The following OSBPL8 variants were observed in gnomAD, a reference collection of about 807,000 sequenced individuals.
OSBPL8 encodes the protein oxysterol binding protein like 8.
OSBPL8 carries 59 observed loss-of-function variants against 125.5 expected under a neutral mutation model. The observed-to-expected ratio is 0.47, with a 90% CI of 0.38 to 0.58. The LOEUF (loss-of-function observed/expected upper bound fraction) is 0.58. Ranked by LOEUF, OSBPL8 falls within the 20% of genes least tolerant of loss-of-function variation. The pLI is 0.00. For missense variants in OSBPL8, 758 were observed against 1,047.8 expected, an observed-to-expected ratio of 0.72 and a Z score of 3.82; for synonymous variants, 330 against 338.9, an observed-to-expected ratio of 0.97 and a Z score of 0.29.
intron 1 of OSBPL8, among the ~76,000 whole-genome samples, chr12:76,525,210 T>C (rs1278723835): frequency 1.3e-5 from 2 of 152,196 alleles, no homozygotes; most frequent in Non-Finnish European, 2.9e-5. Context: ...TATTTGAACA[T>C]TTGCTGGATA....
At position 76,386,563 on chromosome 12, in the gene OSBPL8, A is replaced by T; in HGVS notation, c.1434+16T>A. On this transcript the variant is annotated intron_variant, in intron 13 of 23. Coordinates refer to ENST00000261183, the MANE Select transcript of OSBPL8 (RefSeq NM_020841.5). ...TAAAACACTAAAGACAATAAAATGT[A>T]AACAAACATTATTACCTTTGGCTTT... 6.4e-7 allele frequency: 1 copy of T among 1,558,414 alleles called. No individual in the cohort carries two copies. The highest frequency in any genetic ancestry group is 1.8e-5 in the Admixed American group (1 of 55,046).
intron 1 of OSBPL8, among the ~76,000 whole-genome samples, chr12:76,532,354 AGCAAAACTAGATCATT>A (rs1950366828): frequency 6.6e-6 from 1 of 152,186 alleles, no homozygotes; most frequent in Non-Finnish European, 1.5e-5. Flanking sequence ...CAAACAACAT[AGCAAAACTAGATCATT>A]TCACTTTATT....
At chr12:76,410,974 T>C (rs1405047468) in intron 4 of OSBPL8, among the ~76,000 whole-genome samples, 1 of 152,184 alleles carries the variant, frequency 6.6e-6, no homozygotes, top group African/African-American at 2.4e-5. Flanking sequence ...AACATACTTT[T>C]CATACCTCTG....
chr12:76,556,782 G>A (rs763772191), intron 1 of OSBPL8, among the ~76,000 whole-genome samples: 9 of 152,136 alleles, frequency 5.9e-5, no homozygotes, highest in Non-Finnish European at 1.3e-4. Flanking sequence ...TCCTGCCTCA[G>A]CCTCCCAAGT....
At chr12:76,460,409 T>G (rs1874574315) in intron 2 of OSBPL8, among the ~76,000 whole-genome samples, 1 of 151,960 alleles carries the variant, frequency 6.6e-6, no homozygotes, top group African/African-American at 2.4e-5. Context: ...AAGGAACATT[T>G]ATTGAGTGCT....
intron 9 of OSBPL8, among the ~76,000 whole-genome samples, chr12:76,393,212 T>C (rs1953638621): frequency 6.6e-6 from 1 of 152,224 alleles, no homozygotes; most frequent in African/African-American, 2.4e-5. Flanking sequence ...GCCTGCATAA[T>C]GCTACCATTA....
intron 1 of OSBPL8, among the ~76,000 whole-genome samples, chr12:76,538,664 G>A (rs1347360099): frequency 6.6e-6 from 1 of 152,014 alleles, no homozygotes; most frequent in Non-Finnish European, 1.5e-5. Context: ...TCAGAACTTT[G>A]AGACCCAGTG....
chr12:76,473,789 G>A (rs1266402946), intron 2 of OSBPL8, among the ~76,000 whole-genome samples: 3 of 152,118 alleles, frequency 2.0e-5, no homozygotes, highest in Non-Finnish European at 4.4e-5. Context: ...TCAAAGAGAC[G>A]CAATATAGGA....
intron 2 of OSBPL8, among the ~76,000 whole-genome samples, chr12:76,477,967 G>A (rs1377541263): frequency 1.3e-5 from 2 of 152,052 alleles, no homozygotes. Context: ...ATTTTGGGAG[G>A]CTGAGGAGGG....
intron 4 of OSBPL8, among the ~76,000 whole-genome samples, chr12:76,446,096 C>A (rs1872694762): frequency 6.6e-6 from 1 of 152,100 alleles, no homozygotes; most frequent in South Asian, 2.1e-4. Context: ...ACCATAAAGT[C>A]CTCGTAAGAA....
At chr12:76,362,246 A>G (rs1040545243) in intron 21 of OSBPL8, among the ~76,000 whole-genome samples, 8 of 152,266 alleles carry the variant, frequency 5.3e-5, no homozygotes, top group Admixed American at 2.6e-4. Flanking sequence ...AAAAAATTTC[A>G]GGCCAATATT....
intron 1 of OSBPL8, among the ~76,000 whole-genome samples, chr12:76,528,680 A>C (rs1326877416): frequency 1.3e-5 from 2 of 152,046 alleles, no homozygotes; most frequent in Non-Finnish European, 2.9e-5. Flanking sequence ...AATCACACAC[A>C]CACACACACC....
At chr12:76,381,846 T>C (rs1261406543) in intron 15 of OSBPL8, among the ~76,000 whole-genome samples, 1 of 152,118 alleles carries the variant, frequency 6.6e-6, no homozygotes, top group Non-Finnish European at 1.5e-5. Flanking sequence ...GTGATTCTCC[T>C]GCCTTAGCAC....
intron 1 of OSBPL8, among the ~76,000 whole-genome samples, chr12:76,523,620 TACA>T (rs1242931996): frequency 6.6e-6 from 1 of 152,070 alleles, no homozygotes; most frequent in Non-Finnish European, 1.5e-5. Flanking sequence ...TAAGAAGAGA[TACA>T]AGAGAGCTTG....
intron 4 of OSBPL8, among the ~76,000 whole-genome samples, chr12:76,415,789 C>T (rs1868574134): frequency 6.6e-6 from 1 of 151,944 alleles, no homozygotes; most frequent in South Asian, 2.1e-4. Flanking sequence ...AAAAAAACAC[C>T]TTTTGTCTAC....
chr12:76,473,821 T>C (rs951357029), intron 2 of OSBPL8, among the ~76,000 whole-genome samples: 2 of 152,194 alleles, frequency 1.3e-5, no homozygotes, highest in Non-Finnish European at 2.9e-5. Flanking sequence ...GGTTCACCCC[T>C]GGAGCCAAAA....
Position 76,393,736 on chromosome 12 carries a change from A to AG in OSBPL8, c.757+908_757+909insC, listed in dbSNP as rs1555212855. On this transcript the variant is annotated intron_variant, in intron 9 of 23. Coordinates refer to ENST00000261183, the MANE Select transcript of OSBPL8 (RefSeq NM_020841.5). ...AAAAAAAAAAAAAAAAAAAAAAAAA[A>AG]TCTGAGGCCAGGTGCGATGGCTCAC... Among the ~76,000 whole-genome samples, 15 of 144,058 alleles carry AG rather than the reference A, an allele frequency of 1.0e-4. No homozygotes were observed. The South Asian group carries it at 1.3e-3, about 13-fold the overall frequency. 94.5% of individuals were successfully genotyped at this position (144,058 alleles called of 152,430 possible).
chr12:76,552,675 GCT>G (rs1950979427), intron 1 of OSBPL8, among the ~76,000 whole-genome samples: 1 of 152,024 alleles, frequency 6.6e-6, no homozygotes, highest in Non-Finnish European at 1.5e-5. Context: ...CTCACAGAGT[GCT>G]ATCTCTGGCC....
chr12:76,559,010 G>A (rs964772404), intron 1 of OSBPL8, among the ~76,000 whole-genome samples: 13 of 152,314 alleles, frequency 8.5e-5, no homozygotes, highest in Middle Eastern at 3.4e-3. Flanking sequence ...GAAAGAAGGA[G>A]CCTCGCCTTA....
Sources: gnomAD v4.1 joint callset for allele counts (sites outside exome capture counted in the v4.1 genomes callset) on GRCh38, gnomAD v4.1.1 for gene constraint, MANE v1.5 for transcripts, NCBI Gene and HGNC (gene_info 2026-07-23, HGNC 2026-07-21) for gene names.